CSGALNACT1: variants seen among roughly 807,000 people sequenced by gnomAD.
CSGALNACT1 encodes beta4GalNAcT-1.
In CSGALNACT1, 52 loss-of-function variants were observed where a neutral mutation model predicts 51.0. That is an observed-to-expected ratio of 1.02 (90% CI 0.82 to 1.29). CSGALNACT1 has a LOEUF of 1.29. Among genes scored for constraint, CSGALNACT1 ranks in the 50% most tolerant of loss-of-function variants. The pLI is 0.00. For missense variants in CSGALNACT1, 935 were observed against 679.2 expected (o/e 1.38, Z -4.19); for synonymous variants, 341 against 254.4 (o/e 1.34, Z -3.24).
intron 1 of CSGALNACT1, among the ~76,000 whole-genome samples, chr8:19,633,587 C>A (rs965517976): frequency 5.9e-5 from 9 of 152,176 alleles, no homozygotes; most frequent in African/African-American, 2.2e-4. Context: ...GATGCAGCTG[C>A]AAAGCAAGGA....
chr8:19,582,122 G>A (rs112018435), intron 3 of CSGALNACT1, among the ~76,000 whole-genome samples: 128 of 152,252 alleles, frequency 8.4e-4, no homozygotes, highest in African/African-American at 2.9e-3. Context: ...AGATAGTAAC[G>A]TTCTGTAACT....
chr8:19,420,185 C>G (rs1025114706), intron 7 of CSGALNACT1, among the ~76,000 whole-genome samples, 155 bp downstream of exon 6: 3 of 152,168 alleles, frequency 2.0e-5, no homozygotes, highest in African/African-American at 7.2e-5. Context: ...CGCGTGAGAA[C>G]AGACTAATAC....
chr8:19,553,259 C>G (rs1226799871), intron 3 of CSGALNACT1, among the ~76,000 whole-genome samples: 1 of 151,936 alleles, frequency 6.6e-6, no homozygotes, highest in East Asian at 1.9e-4. Flanking sequence ...AAAGATTGGT[C>G]CACTGAACCA....
At chr8:19,605,739 C>T (rs899404070), upstream of CSGALNACT1, among the ~76,000 whole-genome samples, 2 of 152,126 alleles carry the variant, frequency 1.3e-5, no homozygotes, top group African/African-American at 4.8e-5. Flanking sequence ...CCCTTCCCCA[C>T]CCCCAAAGAA....
intron 3 of CSGALNACT1, among the ~76,000 whole-genome samples, chr8:19,540,135 A>G (rs191333899): frequency 6.6e-6 from 1 of 152,276 alleles, no homozygotes; most frequent in East Asian, 1.9e-4. Flanking sequence ...TTCCCATGGC[A>G]TGTGTTTTAC....
At chr8:19,434,885 T>C (rs1000472390) in intron 6 of CSGALNACT1, among the ~76,000 whole-genome samples, 2 of 149,332 alleles carry the variant, frequency 1.3e-5, no homozygotes, top group African/African-American at 4.9e-5. Flanking sequence ...TTTCTGAAAA[T>C]GGACAAACAA....
chr8:19,622,783 T>C (rs974117529), intron 1 of CSGALNACT1, among the ~76,000 whole-genome samples: 2 of 151,688 alleles, frequency 1.3e-5, no homozygotes, highest in Admixed American at 6.6e-5. Flanking sequence ...AATACTTAAC[T>C]GAAAATAAGG....
At chr8:19,721,989 G>C (rs2063153107) in intron 1 of CSGALNACT1, among the ~76,000 whole-genome samples, 1 of 150,034 alleles carries the variant, frequency 6.7e-6, no homozygotes. Context: ...CCAATACCTA[G>C]TAAGTCTTCG....
intron 1 of CSGALNACT1, among the ~76,000 whole-genome samples, chr8:19,707,915 C>T (rs753324001): frequency 6.6e-6 from 1 of 152,130 alleles, no homozygotes; most frequent in African/African-American, 2.4e-5. Context: ...GCTGGAGAAT[C>T]GCTTGAACCC....
intron 6 of CSGALNACT1, among the ~76,000 whole-genome samples, chr8:19,425,155 C>T (rs916259527): frequency 6.6e-6 from 1 of 152,102 alleles, no homozygotes; most frequent in Non-Finnish European, 1.5e-5. Flanking sequence ...CTGAACTGAC[C>T]AACATGGTGA....
chr8:19,738,921 A>G (rs1261423075), intron 1 of CSGALNACT1, among the ~76,000 whole-genome samples: 6 of 152,198 alleles, frequency 3.9e-5, no homozygotes, highest in African/African-American at 1.2e-4. Context: ...AGGACTTTCA[A>G]TTACAAGAGA....
intron 1 of CSGALNACT1, among the ~76,000 whole-genome samples, chr8:19,744,977 C>T (rs879761316): frequency 2.6e-5 from 4 of 152,156 alleles, no homozygotes; most frequent in South Asian, 2.1e-4. Context: ...TCCACTGCCA[C>T]GTAACGTATT....
intron 1 of CSGALNACT1, among the ~76,000 whole-genome samples, chr8:19,666,956 AAAG>A (rs1564384917): frequency 1.7e-3 from 21 of 12,686 alleles, no homozygotes; most frequent in African/African-American, 8.2e-3. Context: ...AGAAAGAAAG[AAAG>A]AAAGAAAGAA....
chr8:19,638,188 G>C (rs1030368599), intron 1 of CSGALNACT1, among the ~76,000 whole-genome samples: 1 of 147,550 alleles, frequency 6.8e-6, no homozygotes, highest in African/African-American at 2.5e-5. Context: ...TGCCTCCTTA[G>C]GACAGCCACA....
intron 5 of CSGALNACT1, among the ~76,000 whole-genome samples, chr8:19,451,942 G>A (rs2063252277): frequency 6.6e-6 from 1 of 152,224 alleles, no homozygotes; most frequent in Non-Finnish European, 1.5e-5. Context: ...CTGTATGAGA[G>A]CAAAGGGTGT....
At position 19,436,788 on chromosome 8, in the gene CSGALNACT1, G is replaced by A. The variant is rs368049726; in HGVS notation, c.953+3042C>T. 3.3e-5 allele frequency among the ~76,000 whole-genome samples: 5 copies of A among 152,246 alleles called. No homozygotes were observed. In the South Asian group the frequency reaches 1.0e-3, roughly 32 times the overall value. On this transcript the variant is annotated intron_variant, in intron 6 of 9. Coordinates refer to ENST00000454498, the Ensembl canonical transcript of CSGALNACT1. ...TAGCCGGGCATGGTGGCACATGCTT[G>A]TAGTCCCAGCTACTAAGGAGGCTAA...
At chr8:19,578,950 A>C (rs969970164) in intron 3 of CSGALNACT1, among the ~76,000 whole-genome samples, 6 of 152,144 alleles carry the variant, frequency 3.9e-5, no homozygotes, top group Non-Finnish European at 8.8e-5. Flanking sequence ...CGCTGGTCTC[A>C]AACTCCTAGC....
chr8:19,444,651 C>CTA (rs1262475631), intron 5 of CSGALNACT1, among the ~76,000 whole-genome samples: 72 of 152,324 alleles, frequency 4.7e-4, no homozygotes, highest in African/African-American at 1.7e-3. Flanking sequence ...CCAGTTTGTT[C>CTA]AATGCTTTTA....
exon 4 of CSGALNACT1, chr8:19,506,051 T>A: frequency 1.4e-6 from 1 of 696,430 alleles, no homozygotes; most frequent in Non-Finnish European, 2.6e-6. Flanking sequence ...GCAGAAGCAA[T>A]GACTGAAGTG....
Sources: allele counts gnomAD v4.1 joint callset (sites outside exome capture counted in the v4.1 genomes callset), GRCh38; gene constraint gnomAD v4.1.1; transcripts MANE v1.5; gene names NCBI Gene and HGNC (gene_info 2026-07-23, HGNC 2026-07-21).